The following RAB3GAP2 variants were observed in gnomAD, a reference collection of about 807,000 sequenced individuals.
RAB3GAP2 encodes the protein RAB3 GTPase activating non-catalytic protein subunit 2, also known as rab3 GTPase-activating protein non-catalytic subunit.
A neutral mutation model predicts 185.3 loss-of-function variants in RAB3GAP2; 87 were observed. The observed-to-expected ratio is 0.47, with a 90% CI of 0.39 to 0.56. RAB3GAP2 has a LOEUF of 0.56. RAB3GAP2 is among the 20% of genes least tolerant of loss of function. The pLI is 0.00. For synonymous variants in RAB3GAP2, 554 were observed against 576.1 expected (o/e 0.96, Z 0.55); for missense variants, 1,492 against 1,638.2 (o/e 0.91, Z 1.54).
chr1:220,184,313 A>C (rs1157161774), intron 18 of RAB3GAP2, 150 bp from the exon 19 acceptor site: 5 of 577,390 alleles, frequency 8.7e-6, no homozygotes, highest in Non-Finnish European at 1.1e-5. Flanking sequence ...CAGGTTTTGA[A>C]AGCAAAAATA....
intron 9 of RAB3GAP2, among the ~76,000 whole-genome samples, chr1:220,197,176 C>T (rs910036039): frequency 6.6e-6 from 1 of 151,828 alleles, no homozygotes; most frequent in South Asian, 2.1e-4. Context: ...TTAGTAGAGA[C>T]GAAGTTTTGC....
intron 21 of RAB3GAP2, among the ~76,000 whole-genome samples, chr1:220,175,632 T>C (rs914235493): frequency 6.6e-6 from 1 of 152,222 alleles, no homozygotes; most frequent in Non-Finnish European, 1.5e-5. Flanking sequence ...CAGAAGTTTA[T>C]TTTATATTAA....
Position 220,151,416 on chromosome 1 carries a change from G to C in RAB3GAP2, c.4027-10C>G, listed in dbSNP as rs751519531. ...GAAGGTCCTGGGGGTCCTGCAAATGGGACACAAAAATAACCTATTATAGAC... is the reference window on the plus strand; with the variant it reads ...GAAGGTCCTGGGGGTCCTGCAAATGCGACACAAAAATAACCTATTATAGAC... On this transcript the variant is annotated splice_polypyrimidine_tract_variant and intron_variant, in intron 34 of 34. Coordinates refer to ENST00000358951, the MANE Select transcript of RAB3GAP2 (RefSeq NM_012414.4). 1.2e-6 allele frequency: 2 copies of C among 1,613,974 alleles called. No homozygotes were observed. Among genetic ancestry groups the C allele is most frequent in the Non-Finnish European group, 1.7e-6 (2 of 1,179,986 alleles).
intron 21 of RAB3GAP2, among the ~76,000 whole-genome samples, chr1:220,180,772 T>TA (rs1658389106): frequency 1.3e-5 from 2 of 152,234 alleles, no homozygotes; most frequent in South Asian, 4.2e-4. Context: ...GACACATACA[T>TA]AATAAAAACA....
At chr1:220,241,729 A>T (rs938349936) in intron 1 of RAB3GAP2, among the ~76,000 whole-genome samples, 1 of 152,126 alleles carries the variant, frequency 6.6e-6, no homozygotes, top group Non-Finnish European at 1.5e-5. Flanking sequence ...ATTTCATATT[A>T]GCAAGAAATA....
chr1:220,224,972 C>T (rs1016252920), intron 2 of RAB3GAP2, among the ~76,000 whole-genome samples: 1 of 152,262 alleles, frequency 6.6e-6, no homozygotes, highest in Non-Finnish European at 1.5e-5. Flanking sequence ...TCCCTTTCCC[C>T]ACACCACCCA....
At chr1:220,241,425 C>A (rs1659695014) in intron 1 of RAB3GAP2, among the ~76,000 whole-genome samples, 1 of 152,014 alleles carries the variant, frequency 6.6e-6, no homozygotes, top group Non-Finnish European at 1.5e-5. Flanking sequence ...GAAGTAAATT[C>A]ATTTCCGTTC....
At position 220,236,945 on chromosome 1, in the gene RAB3GAP2, T is replaced by C. The variant is rs368049587; in HGVS notation, c.116-4082A>G. Among the ~76,000 whole-genome samples the C allele has an allele frequency of 3.9e-5, 6 of 152,362 alleles. No homozygotes were observed. The East Asian group carries it at 1.2e-3, about 29-fold the overall frequency. ...CTATAAGGCCTTGAGGTTCACAAAC[T>C]CTACGTCATCATGAAGAAATAAGAC... On this transcript the variant is annotated intron_variant, in intron 1 of 34. Transcript: ENST00000358951.
In RAB3GAP2 at chr1:220,150,945, C is replaced by T; in HGVS notation, c.*306G>A. 6.3e-6 allele frequency: 2 copies of T among 319,870 alleles called. No homozygotes were observed. Among genetic ancestry groups the T allele is most frequent in the Non-Finnish European group, 1.1e-5 (2 of 174,048 alleles). The allele number at this position is 319,870 out of a possible 1,614,324, so 19.8% of individuals were successfully genotyped here. A position where few individuals can be genotyped will look rare whatever the true frequency, so the allele number is the denominator to read the frequency against. On this transcript the variant is annotated 3_prime_UTR_variant, in exon 35 of 35. Transcript: ENST00000358951. ...ATAAGAACATAATCTAAATTATAACCAATTTTAAATAGCAAAGTTTAACAA... is the reference window on the plus strand; with the variant it reads ...ATAAGAACATAATCTAAATTATAACTAATTTTAAATAGCAAAGTTTAACAA...
At position 220,169,571 on chromosome 1, in the gene RAB3GAP2, C is replaced by T. The variant is rs558410131; in HGVS notation, c.2806+1321G>A. Among the ~76,000 whole-genome samples the T allele has an allele frequency of 4.6e-5, 7 of 152,242 alleles. No homozygotes were observed. The South Asian group carries it at 6.2e-4, about 14-fold the overall frequency. On this transcript the variant is annotated intron_variant, in intron 24 of 34. Transcript: ENST00000358951. ...GAAGAGGATAGGTCCAGATCTAAGA[C>T]GGGAAGCACACGGATGCTTCATTTT...
At chr1:220,252,770 A>T (rs2102524410) in intron 1 of RAB3GAP2, among the ~76,000 whole-genome samples, 1 of 149,788 alleles carries the variant, frequency 6.7e-6, no homozygotes. Flanking sequence ...AGCTGTGTAG[A>T]GTCTCGGCAG....
In RAB3GAP2 at chr1:220,148,445, T is replaced by TAA. The variant is rs1364447606; in HGVS notation, c.*2804_*2805dup. The stretch of plus-strand genomic sequence containing the variant: ...AGTTCAGTATTGGATTAAAATCTTT[T>TAA]AAGGATGGCTAATTCTATTCAGCAG... On this transcript the variant is annotated 3_prime_UTR_variant, in exon 35 of 35. Transcript: ENST00000358951. 6.6e-6 allele frequency: 1 copy of TAA among 152,190 alleles called. No individual in the cohort carries two copies. The highest frequency in any genetic ancestry group is 1.5e-5 in the Non-Finnish European group (1 of 68,018). 9.4% of individuals were successfully genotyped at this position (152,190 alleles called of 1,614,324 possible). A position where few individuals can be genotyped will look rare whatever the true frequency, so the allele number is the denominator to read the frequency against.
Position 220,210,375 on chromosome 1 carries a change from T to C in RAB3GAP2, c.612+13A>G, listed in dbSNP as rs757201818. 9 of 1,607,856 alleles carry C rather than the reference T, an allele frequency of 5.6e-6. No individual in the cohort carries two copies. The stretch of plus-strand genomic sequence containing the variant: ...TGCCACTGTTACTGTTGGAACACAA[T>C]TTTTTACACTACCTGCTCAGTCACG... On this transcript the variant is annotated intron_variant, in intron 7 of 34. Transcript: ENST00000358951.
intron 1 of RAB3GAP2, among the ~76,000 whole-genome samples, chr1:220,250,734 T>A (rs1057408885): frequency 2.0e-5 from 3 of 151,874 alleles, no homozygotes; most frequent in African/African-American, 7.3e-5. Flanking sequence ...GTGATAGTGC[T>A]GTTCTCATGC....
At position 220,157,790 on chromosome 1, in the gene RAB3GAP2, C is replaced by T; in HGVS notation, c.3336+12G>A. 6.3e-7 allele frequency: 1 copy of T among 1,596,682 alleles called. No homozygotes were observed. Among genetic ancestry groups the T allele is most frequent in the South Asian group, 1.1e-5 (1 of 90,664 alleles). ...TAGGAGCAGTTCAGAATGAAAAATA[C>T]ACCTCTTTTACCTCCATTAAGATCT... On this transcript the variant is annotated intron_variant, in intron 30 of 34. Transcript: ENST00000358951.
At position 220,218,392 on chromosome 1, in the gene RAB3GAP2, G is replaced by A. The variant is rs114804866; in HGVS notation, c.181-4413C>T. Among the ~76,000 whole-genome samples the A allele has an allele frequency of 5.6e-3, 856 of 152,238 alleles. 9 individuals are homozygous for A. The highest frequency in any genetic ancestry group is 0.018 in the African/African-American group (761 of 41,524). On this transcript the variant is annotated intron_variant, in intron 2 of 34. Coordinates refer to ENST00000358951, the MANE Select transcript of RAB3GAP2 (RefSeq NM_012414.4). ...ATAATATTATTATATCATCATTAGA[G>A]TTTGAAGTGCCATAAAATTCTAGAT...
chr1:220,182,616 T>A, intron 20 of RAB3GAP2, 102 bp downstream of exon 20: 7 of 1,245,492 alleles, frequency 5.6e-6, no homozygotes, highest in Non-Finnish European at 7.6e-6. Flanking sequence ...CTTTCATTAT[T>A]TAAATTTCAA....
chr1:220,180,566 G>T (rs1474244923), intron 21 of RAB3GAP2, among the ~76,000 whole-genome samples: 1 of 152,136 alleles, frequency 6.6e-6, no homozygotes, highest in African/African-American at 2.4e-5. Flanking sequence ...CCAGTAATGG[G>T]TAACGAGATG....
chr1:220,199,125 G>T (rs1402531911), intron 9 of RAB3GAP2, among the ~76,000 whole-genome samples: 3 of 152,098 alleles, frequency 2.0e-5, no homozygotes, highest in African/African-American at 7.2e-5. Flanking sequence ...GTTGGGCCTT[G>T]TATGTCACGG....
Sources: gnomAD v4.1 joint callset for allele counts (sites outside exome capture counted in the v4.1 genomes callset) on GRCh38, gnomAD v4.1.1 for gene constraint, MANE v1.5 for transcripts, NCBI Gene and HGNC (gene_info 2026-07-23, HGNC 2026-07-21) for gene names.